ABHD18: variants seen among roughly 807,000 people sequenced by gnomAD.
ABHD18 encodes abhydrolase domain containing 18.
Under a neutral mutation model 65.9 loss-of-function variants are expected in ABHD18, and 55 were observed. That is an observed-to-expected ratio of 0.84 (90% CI 0.67 to 1.05). The LOEUF (loss-of-function observed/expected upper bound fraction) is 1.05, where lower values mean the gene tolerates loss of function less well. ABHD18 is among the 50% of genes least tolerant of loss of function. The pLI is 0.00. For missense variants in ABHD18, 533 were observed against 558.5 expected, an observed-to-expected ratio of 0.95 and a Z score of 0.46; for synonymous variants, 181 against 180.2, an observed-to-expected ratio of 1.00 and a Z score of -0.04.
chr4:128,011,479 GTT>G (rs33994912), intron 6 of ABHD18, among the ~76,000 whole-genome samples, 192 bp from the exon 7 acceptor site: 6 of 141,120 alleles, frequency 4.3e-5, no homozygotes, highest in Admixed American at 1.4e-4. Context: ...AGTAAAGCTG[GTT>G]TTTTTTTTTT....
Position 128,039,060 on chromosome 4 carries a change from C to T in ABHD18, c.*3247C>T, listed in dbSNP as rs190525983. 140 of 141,552 alleles carry T rather than the reference C, an allele frequency of 9.9e-4. No homozygotes were observed. Among genetic ancestry groups the T allele is most frequent in the East Asian group, 3.9e-3 (17 of 4,388 alleles). The allele number at this position is 141,552 out of a possible 1,614,324, so 8.8% of individuals were successfully genotyped here. A position where few individuals can be genotyped will look rare whatever the true frequency, so the allele number is the denominator to read the frequency against. On this transcript the variant is annotated 3_prime_UTR_variant, in exon 13 of 13. Coordinates refer to ENST00000645843, the MANE Select transcript of ABHD18 (RefSeq NM_001358451.3). ...ATATACACATATACGTATATGTATA[C>T]GTTTTATATATATATACACACACAC...
At chr4:128,035,346 C>T (rs1231742647) in intron 12 of ABHD18, among the ~76,000 whole-genome samples, 2 of 152,064 alleles carry the variant, frequency 1.3e-5, no homozygotes, top group East Asian at 3.8e-4. Context: ...CTGAGGCAGG[C>T]GGATCACTTG....
At position 128,033,958 on chromosome 4, in the gene ABHD18, T is replaced by C. The variant is rs1055219744; in HGVS notation, c.1344-1804T>C. 4.7e-5 allele frequency among the ~76,000 whole-genome samples: 7 copies of C among 149,404 alleles called. No individual in the cohort carries two copies. The Admixed American group carries it at 4.7e-4, about 10-fold the overall frequency. On this transcript the variant is annotated intron_variant, in intron 12 of 12. Coordinates refer to ENST00000645843, the MANE Select transcript of ABHD18 (RefSeq NM_001358451.3). Reference sequence around the variant, plus strand: ...AAATATAGACATGCATTTTCTTTTTTCTTTTTTTTTTTTTTTTTTGAGCTG... The same window carrying C: ...AAATATAGACATGCATTTTCTTTTTCCTTTTTTTTTTTTTTTTTTGAGCTG...
chr4:128,017,292 G>C (rs761221879), intron 7 of ABHD18, 71 bp from the exon 8 acceptor site: 132 of 1,437,226 alleles, frequency 9.2e-5, no homozygotes, highest in Non-Finnish European at 1.2e-4. Flanking sequence ...CTGGCAGCCT[G>C]TTGTAAATTT....
chr4:128,024,383 A>T (rs1026285650), intron 10 of ABHD18, among the ~76,000 whole-genome samples: 2 of 152,156 alleles, frequency 1.3e-5, no homozygotes, highest in African/African-American at 4.8e-5. Context: ...TACATTGGGG[A>T]TTAAGTTTCC....
chr4:128,022,820 G>A (rs1756730219), intron 10 of ABHD18, among the ~76,000 whole-genome samples: 2 of 148,960 alleles, frequency 1.3e-5, no homozygotes, highest in Non-Finnish European at 3.0e-5. Flanking sequence ...CTGGAGTGCA[G>A]TGGCACGATC....
At chr4:128,033,036 G>A (rs1342246353) in intron 12 of ABHD18, among the ~76,000 whole-genome samples, 2 of 152,114 alleles carry the variant, frequency 1.3e-5, no homozygotes, top group African/African-American at 4.8e-5. Context: ...GGTGGATCAC[G>A]AGGCCAGGAG....
rs532738624 is a variant in ABHD18 at position 128,011,338 on chromosome 4, T to C, written c.443-335T>C. On this transcript the variant is annotated intron_variant, in intron 6 of 12. Transcript: ENST00000645843. ...TAATTTTTTGTATTTTTAGTAGTGA[T>C]GGGGTTTCACCATGTTAGCCAGGAT... 1.7e-3 allele frequency among the ~76,000 whole-genome samples: 253 copies of C among 152,098 alleles called. 1 individual carries two copies. Among genetic ancestry groups the C allele is most frequent in the African/African-American group, 5.7e-3 (237 of 41,522 alleles).
chr4:127,996,567 T>A, intron 4 of ABHD18, among the ~76,000 whole-genome samples: 1 of 152,312 alleles, frequency 6.6e-6, no homozygotes, highest in East Asian at 1.9e-4. Flanking sequence ...TGTACATGCA[T>A]TGTCTTGATA....
At chr4:128,005,260 A>C (rs1366589886) in intron 4 of ABHD18, among the ~76,000 whole-genome samples, 2 of 152,196 alleles carry the variant, frequency 1.3e-5, no homozygotes, top group African/African-American at 4.8e-5. Flanking sequence ...AAACATGTTG[A>C]AACTTTGGTA....
At chr4:128,007,815 C>T (rs1753866127) in intron 4 of ABHD18, among the ~76,000 whole-genome samples, 1 of 151,426 alleles carries the variant, frequency 6.6e-6, no homozygotes, top group African/African-American at 2.4e-5. Flanking sequence ...CATGGATTGA[C>T]TTTACTTGTA....
At chr4:128,008,011 C>G (rs940511758) in intron 4 of ABHD18, among the ~76,000 whole-genome samples, 3 of 152,052 alleles carry the variant, frequency 2.0e-5, no homozygotes, top group Non-Finnish European at 4.4e-5. Context: ...CACCTGTAAT[C>G]CCAGCACTTT....
At chr4:127,992,675 A>C (rs1751115935) in intron 4 of ABHD18, among the ~76,000 whole-genome samples, 1 of 151,880 alleles carries the variant, frequency 6.6e-6, no homozygotes, top group South Asian at 2.1e-4. Context: ...AGTAGTTGGG[A>C]CTGTAGACTG....
rs116482971 is a variant in ABHD18, at chr4:128,008,956, A to G, written c.315A>G (p.Lys105=). The change falls in exon 5 of 13, where the codon AAA becomes AAG. Residue 105 remains lysine (K), a synonymous_variant. Transcript: ENST00000645843. ...QFIVPKEWNS[K]YRPVCIHLAG... ...TTGTGCCTAAAGAATGGAACAGCAA[A>G]TATAGACCTGTATGCATTCATCTTG... is the stretch of plus-strand genomic sequence containing the variant. 753 of 1,611,312 alleles carry G rather than the reference A, an allele frequency of 4.7e-4. 2 individuals carry two copies. The African/African-American group carries it at 9.0e-3, about 19-fold the overall frequency.
At chr4:128,019,106 TG>T (rs1316473999) in intron 8 of ABHD18, among the ~76,000 whole-genome samples, 1 of 152,170 alleles carries the variant, frequency 6.6e-6, no homozygotes, top group Non-Finnish European at 1.5e-5. Flanking sequence ...GTGTTTCCAT[TG>T]TTATCACCTA....
rs1359627339 is a variant in ABHD18, at chr4:128,004,640, G to T, written c.279-4280G>T. Among the ~76,000 whole-genome samples the T allele has an allele frequency of 3.3e-5, 5 of 152,192 alleles. No individual in the cohort carries two copies. In the East Asian group the frequency reaches 9.7e-4, roughly 29 times the overall value. On this transcript the variant is annotated intron_variant, in intron 4 of 12. Transcript: ENST00000645843. ...AAATTATACGTGAGAGCCGGGCGCA[G>T]TGGTTCACGCCTGTAATCCCAGCAC...
intron 1 of ABHD18, among the ~76,000 whole-genome samples, chr4:127,977,914 TTAAC>T (rs1287160348): frequency 3.9e-5 from 6 of 152,100 alleles, no homozygotes; most frequent in African/African-American, 1.2e-4. Flanking sequence ...AGCATAAACA[TTAAC>T]TGAGAAAATA....
chr4:127,997,863 C>G (rs946889509), intron 4 of ABHD18, among the ~76,000 whole-genome samples: 1 of 151,712 alleles, frequency 6.6e-6, no homozygotes, highest in Non-Finnish European at 1.5e-5. Flanking sequence ...TCACCTTTTT[C>G]CTCTCCTCCT....
intron 4 of ABHD18, among the ~76,000 whole-genome samples, chr4:127,992,019 T>C (rs1415584889): frequency 6.6e-6 from 1 of 152,214 alleles, no homozygotes; most frequent in South Asian, 2.1e-4. Flanking sequence ...GCAAGCAATG[T>C]CATGTAGTGG....
Sources: gnomAD v4.1 joint callset for allele counts (sites outside exome capture counted in the v4.1 genomes callset) on GRCh38, gnomAD v4.1.1 for gene constraint, MANE v1.5 for transcripts, NCBI Gene and HGNC (gene_info 2026-07-23, HGNC 2026-07-21) for gene names.